Variants in IKBKB observed in about 807,000 individuals in gnomAD.
The protein encoded by IKBKB is inhibitor of nuclear factor kappa B kinase subunit beta.
IKBKB carries 42 observed loss-of-function variants against 113.6 expected under a neutral mutation model. The observed-to-expected ratio is 0.37, with a 90% CI of 0.29 to 0.48. IKBKB has a LOEUF of 0.48. Among genes scored for constraint, IKBKB ranks in the 20% least tolerant of loss-of-function variants. The pLI, the probability that IKBKB is intolerant of heterozygous loss-of-function variation, is 0.99. For synonymous variants in IKBKB, 296 were observed against 361.3 expected (o/e 0.82, Z 2.05); for missense variants, 673 against 939.7 (o/e 0.72, Z 3.71).
intron 8 of IKBKB, among the ~76,000 whole-genome samples, chr8:42,310,516 C>A (rs1201027424): frequency 1.3e-5 from 2 of 152,198 alleles, no homozygotes; most frequent in Non-Finnish European, 2.9e-5. Flanking sequence ...CACGGTCCTG[C>A]ACATGCTTTC....
At chr8:42,274,784 GCGC>G (rs1409683908) in intron 2 of IKBKB, among the ~76,000 whole-genome samples, 1 of 41,722 alleles carries the variant, frequency 2.4e-5, no homozygotes, top group African/African-American at 4.2e-5. Context: ...CCCCGCCGGC[GCGC>G]CCCCCCCCCC....
intron 5 of IKBKB, among the ~76,000 whole-genome samples, chr8:42,302,755 T>C (rs1815500223): frequency 7.4e-6 from 1 of 134,642 alleles, no homozygotes. Context: ...TATGCCAGTA[T>C]TCCAAAATCC....
intron 6 of IKBKB, among the ~76,000 whole-genome samples, chr8:42,305,681 C>T (rs950949326): frequency 1.3e-4 from 20 of 152,218 alleles, no homozygotes; most frequent in African/African-American, 4.6e-4. Flanking sequence ...GAGCTGGCCT[C>T]TGCTGCCAAG....
chr8:42,324,335 G>A (rs528517460), intron 19 of IKBKB, among the ~76,000 whole-genome samples: 1 of 152,280 alleles, frequency 6.6e-6, no homozygotes, highest in South Asian at 2.1e-4. Context: ...CTCAATCTCA[G>A]TTCACTGCAA....
Position 42,271,414 on chromosome 8 carries a change from G to GCCCCGCCTT in IKBKB, c.-66_-58dup. The stretch of plus-strand genomic sequence containing the variant: ...CATAGCCCCGGGTTTGGCCGCCCCA[G>GCCCCGCCTT]CCCCGCCTTCCCCGCCCCGGGGAGC... On this transcript the variant is annotated 5_prime_UTR_variant, in exon 1 of 22. Coordinates refer to ENST00000520810, the MANE Select transcript of IKBKB (RefSeq NM_001556.3). 1.3e-6 allele frequency: 2 copies of GCCCCGCCTT among 1,506,058 alleles called. No individual in the cohort carries two copies. Among genetic ancestry groups the GCCCCGCCTT allele is most frequent in the South Asian group, 1.2e-5 (1 of 83,254 alleles). 93.3% of individuals were successfully genotyped at this position (1,506,058 alleles called of 1,614,324 possible). A position where few individuals can be genotyped will look rare whatever the true frequency, so the allele number is the denominator to read the frequency against.
intron 8 of IKBKB, 140 bp downstream of exon 8, chr8:42,309,165 C>T (rs1233909398): frequency 1.1e-6 from 1 of 928,890 alleles, no homozygotes; most frequent in East Asian, 2.5e-5. Context: ...CCTGTCAGGA[C>T]CTAGCACGAG....
At chr8:42,296,749 A>G (rs981918338) in intron 5 of IKBKB, among the ~76,000 whole-genome samples, 2 of 152,218 alleles carry the variant, frequency 1.3e-5, no homozygotes, top group Admixed American at 1.3e-4. Flanking sequence ...TCCACACATC[A>G]TGAACAGCTC....
rs1820673561 is a variant in IKBKB, at chr8:42,326,037, G to T, written c.2054G>T (p.Gly685Val). Residue 685 changes from glycine (G) to valine (V), a missense_variant, in exon 20 of 22, where the codon GGG (glycine) becomes GTG (valine). Gly to Val is a moderately radical substitution (Grantham distance 109). Around this residue, in one of 2 missense-constraint regions of IKBKB, gnomAD observed 506 missense variants for 638.7 expected, o/e 0.79. Transcript: ENST00000520810. ...AATGCCTCTCGACTTAGCCAGCCTGGGCAGCTGATGTCTCAGCCCTCCACG... is the reference window on the plus strand; with the variant it reads ...AATGCCTCTCGACTTAGCCAGCCTGTGCAGCTGATGTCTCAGCCCTCCACG... ...SMNASRLSQPGQLMSQPSTAS... is the reference protein window; with the variant it reads ...SMNASRLSQPVQLMSQPSTAS... The T allele has an allele frequency of 6.2e-7, 1 of 1,614,208 alleles. No homozygotes were observed. The highest frequency in any genetic ancestry group is 8.5e-7 in the Non-Finnish European group (1 of 1,180,030).
chr8:42,291,805 G>A (rs149460680), intron 4 of IKBKB, among the ~76,000 whole-genome samples: 184 of 152,250 alleles, frequency 1.2e-3, no homozygotes, highest in African/African-American at 4.1e-3. Context: ...GGTGGTGTGC[G>A]CTTGTGGTCC....
intron 2 of IKBKB, among the ~76,000 whole-genome samples, chr8:42,278,349 T>A (rs533607064): frequency 1.3e-5 from 2 of 151,520 alleles, no homozygotes; most frequent in African/African-American, 4.9e-5. Context: ...GCCGAGGAGG[T>A]TTTGTTTTGA....
At chr8:42,273,727 T>G (rs1044698421) in intron 2 of IKBKB, among the ~76,000 whole-genome samples, 1 of 151,906 alleles carries the variant, frequency 6.6e-6, no homozygotes, top group Non-Finnish European at 1.5e-5. Flanking sequence ...TTTTTTTTTA[T>G]TTTTTGTAGT....
chr8:42,271,786 C>G (rs1804521619), intron 1 of IKBKB: 1 of 513,976 alleles, frequency 1.9e-6, no homozygotes, highest in Non-Finnish European at 3.4e-6. Flanking sequence ...CCGGGCGCCC[C>G]TGGTGGAGTC....
At chr8:42,319,127 T>C (rs899596268) in intron 13 of IKBKB, 143 bp from the exon 14 acceptor site, 6 of 746,258 alleles carry the variant, frequency 8.0e-6, no homozygotes, top group African/African-American at 1.8e-5. Context: ...CCTTGGGTTA[T>C]AAGTGGCTGC....
chr8:42,277,352 T>C, intron 2 of IKBKB, among the ~76,000 whole-genome samples: 1 of 151,814 alleles, frequency 6.6e-6, no homozygotes, highest in East Asian at 1.9e-4. Flanking sequence ...CTGGCTAGTT[T>C]TTATATTTTT....
chr8:42,301,783 G>A (rs1815259104), intron 5 of IKBKB, among the ~76,000 whole-genome samples: 1 of 152,188 alleles, frequency 6.6e-6, no homozygotes, highest in Non-Finnish European at 1.5e-5. Context: ...TAATCCACGT[G>A]GCGTAGAGAG....
At position 42,293,903 on chromosome 8, in the gene IKBKB, G is replaced by C. The variant is rs527683631; in HGVS notation, c.388+391G>C. 2.6e-5 allele frequency among the ~76,000 whole-genome samples: 4 copies of C among 152,350 alleles called. No individual in the cohort carries two copies. In the South Asian group the frequency reaches 8.3e-4, roughly 32 times the overall value. ...CCCACGTAGGCAGTTCTTTGCCAAT[G>C]AGAGGCGTAGGAAAAACTGTCCTTT... On this transcript the variant is annotated intron_variant, in intron 5 of 21. Transcript: ENST00000520810.
At chr8:42,302,679 AGTT>A (rs1382094369) in intron 5 of IKBKB, among the ~76,000 whole-genome samples, 7 of 152,062 alleles carry the variant, frequency 4.6e-5, no homozygotes, top group Non-Finnish European at 1.0e-4. Flanking sequence ...ATAAAAATTC[AGTT>A]GTTTCATATA....
intron 12 of IKBKB, 114 bp downstream of exon 12, chr8:42,317,885 G>T (rs147015322): frequency 9.3e-6 from 7 of 752,992 alleles, no homozygotes; most frequent in African/African-American, 1.7e-5. Flanking sequence ...AATTAATATC[G>T]CCAGTCCTCA....
intron 2 of IKBKB, among the ~76,000 whole-genome samples, chr8:42,275,028 C>A (rs1302292003): frequency 1.3e-5 from 2 of 151,644 alleles, no homozygotes; most frequent in African/African-American, 4.9e-5. Flanking sequence ...AGCCGTGCAC[C>A]ACCACGCCTG....
Sources: gnomAD v4.1 joint callset for allele counts (sites outside exome capture counted in the v4.1 genomes callset) on GRCh38, gnomAD v4.1.1 for gene constraint, gnomAD v4.1.1 regional missense constraint, MANE v1.5 for transcripts, NCBI Gene and HGNC (gene_info 2026-07-23, HGNC 2026-07-21) for gene names.